ADAMTSL1: variants seen among roughly 807,000 people sequenced by gnomAD.
ADAMTSL1 encodes ADAMTS-like protein 1.
ADAMTSL1 carries 126 observed loss-of-function variants against 201.8 expected under a neutral mutation model. The ratio of observed to expected loss-of-function variants is 0.62; its 90% CI spans 0.54 to 0.72. The LOEUF (loss-of-function observed/expected upper bound fraction) is 0.72. Ranked by LOEUF, ADAMTSL1 falls within the 30% of genes least tolerant of loss-of-function variation. The pLI is 0.00. For synonymous variants in ADAMTSL1, 1,121 were observed against 903.4 expected (o/e 1.24, Z -4.32); for missense variants, 2,679 against 2,277.8 (o/e 1.18, Z -3.59).
chr9:18,391,785 T>G (rs563072950), intron 2 of ADAMTSL1, among the ~76,000 whole-genome samples: 2 of 151,938 alleles, frequency 1.3e-5, no homozygotes, highest in African/African-American at 2.4e-5. Flanking sequence ...TGTTGTTGTT[T>G]AAGTCCTGAA....
At chr9:18,216,648 CTTTTT>C (rs5896775) in intron 2 of ADAMTSL1, among the ~76,000 whole-genome samples, 67 of 133,958 alleles carry the variant, frequency 5.0e-4, no homozygotes, top group Non-Finnish European at 9.1e-4. Flanking sequence ...TCTTGCTCTC[CTTTTT>C]TTTTTTTTTT....
chr9:18,840,060 T>C (rs1199846369), intron 23 of ADAMTSL1, among the ~76,000 whole-genome samples: 1 of 148,468 alleles, frequency 6.7e-6, no homozygotes, highest in African/African-American at 2.5e-5. Flanking sequence ...TTTGTCAATT[T>C]TGTCTTTTGT....
intron 3 of ADAMTSL1, among the ~76,000 whole-genome samples, chr9:18,566,870 C>G (rs1222394485): frequency 6.6e-6 from 1 of 152,156 alleles, no homozygotes; most frequent in East Asian, 1.9e-4. Context: ...GCAGGCATGA[C>G]ATGATGGCTC....
intron 2 of ADAMTSL1, among the ~76,000 whole-genome samples, chr9:18,456,793 C>A (rs1198717501): frequency 1.3e-5 from 2 of 152,182 alleles, no homozygotes; most frequent in Admixed American, 1.3e-4. Context: ...TGAACAGCCA[C>A]CTCAATCTGA....
At chr9:18,631,939 T>C (rs560211373) in intron 5 of ADAMTSL1, among the ~76,000 whole-genome samples, 3 of 152,280 alleles carry the variant, frequency 2.0e-5, no homozygotes, top group African/African-American at 7.2e-5. Context: ...GCTAGAAATA[T>C]GTCCTGAAGA....
At chr9:17,981,151 T>C (rs913856912) in intron 1 of ADAMTSL1, among the ~76,000 whole-genome samples, 2 of 152,184 alleles carry the variant, frequency 1.3e-5, no homozygotes, top group Non-Finnish European at 2.9e-5. Context: ...ATCCAAACCA[T>C]AGCAGATACA....
chr9:18,097,860 T>C (rs192089563), intron 1 of ADAMTSL1, among the ~76,000 whole-genome samples: 7 of 151,144 alleles, frequency 4.6e-5, no homozygotes, highest in African/African-American at 1.4e-4. Context: ...CTTTTATGGT[T>C]ATTGTTTTTT....
chr9:18,564,372 G>T (rs746747703), intron 3 of ADAMTSL1, among the ~76,000 whole-genome samples: 27 of 152,048 alleles, frequency 1.8e-4, no homozygotes, highest in Non-Finnish European at 3.2e-4. Flanking sequence ...TGAGATGACC[G>T]GGGTACCTCA....
intron 1 of ADAMTSL1, among the ~76,000 whole-genome samples, chr9:18,137,789 G>T (rs1401792871): frequency 1.3e-5 from 2 of 152,156 alleles, no homozygotes; most frequent in Admixed American, 6.6e-5. Flanking sequence ...GTAGCCAAAA[G>T]TTCCACTTTA....
At chr9:18,505,410 G>A (rs967674821) in intron 2 of ADAMTSL1, among the ~76,000 whole-genome samples, 16 of 152,228 alleles carry the variant, frequency 1.1e-4, no homozygotes, top group African/African-American at 3.9e-4. Flanking sequence ...CTAATAGCCA[G>A]AAGTTTCTTA....
chr9:18,786,256 T>C (rs1821701337), intron 19 of ADAMTSL1, among the ~76,000 whole-genome samples: 1 of 152,144 alleles, frequency 6.6e-6, no homozygotes, highest in African/African-American at 2.4e-5. Context: ...CTGTTCCCTG[T>C]TTTCCTTCTC....
intron 1 of ADAMTSL1, among the ~76,000 whole-genome samples, chr9:18,131,715 A>G (rs1825961282): frequency 6.6e-6 from 1 of 151,972 alleles, no homozygotes; most frequent in South Asian, 2.1e-4. Context: ...TTTTGCTGGG[A>G]CTGTGTACCC....
intron 2 of ADAMTSL1, among the ~76,000 whole-genome samples, chr9:18,275,940 C>G (rs1370138427): frequency 6.6e-6 from 1 of 152,156 alleles, no homozygotes; most frequent in African/African-American, 2.4e-5. Flanking sequence ...AACTGCCAAA[C>G]TCTTTTCAAA....
At chr9:18,448,642 G>C (rs1325114155) in intron 2 of ADAMTSL1, among the ~76,000 whole-genome samples, 1 of 152,112 alleles carries the variant, frequency 6.6e-6, no homozygotes, top group Non-Finnish European at 1.5e-5. Context: ...ATGCCAGTTA[G>C]ATACTCAGTT....
At chr9:18,541,994 A>C (rs1341066) in intron 3 of ADAMTSL1, among the ~76,000 whole-genome samples, 38,296 of 152,124 alleles carry the variant, frequency 0.25, 5,441 homozygotes, top group East Asian at 0.63. Context: ...AATCCCCAGA[A>C]TGAAATGTGT....
At chr9:18,286,088 G>A (rs1587470640) in intron 2 of ADAMTSL1, among the ~76,000 whole-genome samples, 1 of 151,972 alleles carries the variant, frequency 6.6e-6, no homozygotes, top group Admixed American at 6.6e-5. Flanking sequence ...GCTAAGTACT[G>A]TTTAAATAAG....
intron 1 of ADAMTSL1, among the ~76,000 whole-genome samples, chr9:17,988,305 T>C (rs1032754645): frequency 1.3e-5 from 2 of 152,132 alleles, no homozygotes; most frequent in Non-Finnish European, 2.9e-5. Flanking sequence ...TGTTACTCTC[T>C]ATTGACCTTA....
intron 2 of ADAMTSL1, among the ~76,000 whole-genome samples, chr9:18,394,650 G>A (rs1480797327): frequency 6.6e-6 from 1 of 151,914 alleles, no homozygotes; most frequent in Non-Finnish European, 1.5e-5. Flanking sequence ...ATAAAAGAAA[G>A]TTGATTATAA....
chr9:18,431,845 T>A (rs956837092), intron 2 of ADAMTSL1, among the ~76,000 whole-genome samples: 1 of 152,204 alleles, frequency 6.6e-6, no homozygotes, highest in East Asian at 1.9e-4. Context: ...TCATATGACC[T>A]GACTAGTACA....
Sources: gnomAD v4.1 joint callset for allele counts (sites outside exome capture counted in the v4.1 genomes callset) on GRCh38, gnomAD v4.1.1 for gene constraint, MANE v1.5 for transcripts, NCBI Gene and HGNC (gene_info 2026-07-23, HGNC 2026-07-21) for gene names.